The following GNAO1 variants were observed in gnomAD, a reference collection of about 807,000 sequenced individuals.
GNAO1 encodes G protein subunit alpha o1.
For synonymous variants in GNAO1, 164 were observed against 180.7 expected, an observed-to-expected ratio of 0.91 and a Z score of 0.74; for missense variants, 166 against 478.7, an observed-to-expected ratio of 0.35 and a Z score of 6.10.
At chr16:56,322,181 C>T (rs1287048469) in intron 3 of GNAO1, among the ~76,000 whole-genome samples, 3 of 152,122 alleles carry the variant, frequency 2.0e-5, no homozygotes, top group African/African-American at 7.2e-5. Flanking sequence ...CGAACGCCAG[C>T]ATCTTGGGGG....
At chr16:56,336,919 G>A in intron 6 of GNAO1, 59 bp downstream of exon 6, 3 of 1,533,754 alleles carry the variant, frequency 2.0e-6, no homozygotes, top group South Asian at 1.2e-5. Context: ...CGCAGGATAG[G>A]CCAGCCCTCT....
At chr16:56,304,299 T>C (rs190423303) in intron 3 of GNAO1, among the ~76,000 whole-genome samples, 28 of 152,352 alleles carry the variant, frequency 1.8e-4, no homozygotes, top group African/African-American at 6.7e-4. Context: ...TTCTCTTTAA[T>C]CCTTCCTGCC....
At chr16:56,196,888 A>G (rs544179656) in intron 2 of GNAO1, among the ~76,000 whole-genome samples, 1 of 152,328 alleles carries the variant, frequency 6.6e-6, no homozygotes, top group South Asian at 2.1e-4. Context: ...GACAAGTGGG[A>G]TGTGATTCAG....
At chr16:56,304,546 G>A (rs527931044) in intron 3 of GNAO1, among the ~76,000 whole-genome samples, 1 of 152,240 alleles carries the variant, frequency 6.6e-6, no homozygotes, top group South Asian at 2.1e-4. Context: ...CCCCTGAAAG[G>A]ACAAGAGCCC....
intron 6 of GNAO1, chr16:56,344,945 C>T (rs868100333): frequency 8.1e-6 from 8 of 985,338 alleles, no homozygotes; most frequent in Middle Eastern, 5.2e-4. Context: ...AAGAAATCAG[C>T]GAGTTTGTTC....
intron 6 of GNAO1, among the ~76,000 whole-genome samples, chr16:56,337,151 A>G (rs955115003): frequency 5.9e-5 from 9 of 152,284 alleles, no homozygotes; most frequent in Non-Finnish European, 5.9e-5. Flanking sequence ...CACAGAGGCC[A>G]TCAGGCCATA....
intron 6 of GNAO1, among the ~76,000 whole-genome samples, chr16:56,337,905 G>A (rs547390769): frequency 2.0e-5 from 3 of 152,322 alleles, no homozygotes; most frequent in East Asian, 1.9e-4. Flanking sequence ...ACAGCCTGGC[G>A]TCTGTCATCT....
intron 2 of GNAO1, among the ~76,000 whole-genome samples, chr16:56,203,071 A>G (rs1409333096): frequency 7.9e-5 from 12 of 152,198 alleles, no homozygotes; most frequent in African/African-American, 2.4e-4. Flanking sequence ...GACAAATTCA[A>G]TTCTCAAAGG....
At chr16:56,298,403 G>A (rs553371424) in intron 3 of GNAO1, among the ~76,000 whole-genome samples, 2 of 152,136 alleles carry the variant, frequency 1.3e-5, no homozygotes, top group Non-Finnish European at 2.9e-5. Context: ...ATTGATCAGC[G>A]ACAGTGATGA....
chr16:56,324,363 C>G (rs1373835299), intron 3 of GNAO1, among the ~76,000 whole-genome samples: 2 of 152,204 alleles, frequency 1.3e-5, no homozygotes, highest in South Asian at 2.1e-4. Context: ...CAACCCTGCT[C>G]TCAGGTCCTG....
chr16:56,232,345 A>G (rs2036596888), intron 2 of GNAO1, among the ~76,000 whole-genome samples: 1 of 152,172 alleles, frequency 6.6e-6, no homozygotes. Flanking sequence ...AGTGGCTCTA[A>G]TGAGTCAGGC....
intron 2 of GNAO1, among the ~76,000 whole-genome samples, chr16:56,250,993 A>G (rs532026459): frequency 6.6e-6 from 1 of 152,338 alleles, no homozygotes; most frequent in South Asian, 2.1e-4. Flanking sequence ...GAGGTGAAAG[A>G]ATGAATATAA....
At chr16:56,346,478 A>G (rs947333760) in intron 6 of GNAO1, 17 of 984,948 alleles carry the variant, frequency 1.7e-5, no homozygotes, top group Admixed American at 6.2e-5. Context: ...TTTCATGCCT[A>G]TGGGCCAGTT....
At chr16:56,263,634 C>CAAAGATTTTGTCCAATCA (rs1258662378) in intron 2 of GNAO1, among the ~76,000 whole-genome samples, 3 of 152,188 alleles carry the variant, frequency 2.0e-5, no homozygotes, top group African/African-American at 7.2e-5. Flanking sequence ...TTTTGTCCAA[C>CAAAGATTTTGTCCAATCA]AAGAACCCCT....
rs534649997 is a variant in GNAO1 at position 56,315,554 on chromosome 16, G to A, written c.304-13077G>A. On this transcript the variant is annotated intron_variant, in intron 3 of 8. Coordinates refer to ENST00000262493, the MANE Select transcript of GNAO1 (RefSeq NM_020988.3). ...CATCCAGGAGAGATACCCAGGAGGT[G>A]TAGAACAGGGGTCTGGACCCACTGA... Among the ~76,000 whole-genome samples the A allele has an allele frequency of 3.9e-5, 6 of 152,278 alleles. No individual in the cohort carries two copies. The South Asian group carries it at 8.3e-4, about 21-fold the overall frequency.
chr16:56,214,735 C>A (rs929415573), intron 2 of GNAO1, among the ~76,000 whole-genome samples: 3 of 152,234 alleles, frequency 2.0e-5, no homozygotes, highest in Admixed American at 1.3e-4. Context: ...CCTGGGAACA[C>A]AGTAGCTGTC....
intron 2 of GNAO1, chr16:56,270,218 G>T (rs1181168735): frequency 6.6e-6 from 1 of 152,240 alleles, no homozygotes; most frequent in Non-Finnish European, 1.5e-5. Context: ...TCCAGCTGGC[G>T]GTTTCTGTCC....
At chr16:56,221,049 G>A (rs1253939060) in intron 2 of GNAO1, among the ~76,000 whole-genome samples, 1 of 151,900 alleles carries the variant, frequency 6.6e-6, no homozygotes, top group East Asian at 1.9e-4. Flanking sequence ...CCCAGCCTTG[G>A]ATTAGCGTTT....
At chr16:56,316,844 A>G (rs1387158557) in intron 3 of GNAO1, among the ~76,000 whole-genome samples, 1 of 152,146 alleles carries the variant, frequency 6.6e-6, no homozygotes, top group African/African-American at 2.4e-5. Flanking sequence ...GAAGATTCTT[A>G]GGTCTCGCCC....
Sources: gnomAD v4.1 joint callset for allele counts (sites outside exome capture counted in the v4.1 genomes callset) on GRCh38, gnomAD v4.1.1 for gene constraint, MANE v1.5 for transcripts, NCBI Gene and HGNC (gene_info 2026-07-23, HGNC 2026-07-21) for gene names.